DOK6: variants seen among roughly 807,000 people sequenced by gnomAD.
The protein encoded by DOK6 is docking protein 6, also known as downstream of tyrosine kinase 6.
DOK6 carries 22 observed loss-of-function variants against 44.0 expected under a neutral mutation model. The observed-to-expected ratio is 0.50, with a 90% confidence interval of 0.36 to 0.71. DOK6 has a LOEUF of 0.71. Ranked by LOEUF, DOK6 falls within the 30% of genes least tolerant of loss-of-function variation. The pLI is 0.00. For missense variants in DOK6, 340 were observed against 416.4 expected, an observed-to-expected ratio of 0.82 and a Z score of 1.60; for synonymous variants, 166 against 145.5, an observed-to-expected ratio of 1.14 and a Z score of -1.01.
intron 1 of DOK6, among the ~76,000 whole-genome samples, chr18:69,485,416 C>T (rs895994216): frequency 6.6e-6 from 1 of 151,998 alleles, no homozygotes; most frequent in Non-Finnish European, 1.5e-5. Flanking sequence ...GGTCCTTTAC[C>T]CCAGACCATC....
At chr18:69,535,802 A>G (rs978651866) in intron 1 of DOK6, among the ~76,000 whole-genome samples, 10 of 152,132 alleles carry the variant, frequency 6.6e-5, no homozygotes, top group Non-Finnish European at 1.0e-4. Flanking sequence ...AGAAAATAAA[A>G]AAATATCTAC....
rs555195167 is a variant in DOK6 at position 69,426,035 on chromosome 18, G to T, written c.66+24725G>T. On this transcript the variant is annotated intron_variant, in intron 1 of 7. Coordinates refer to ENST00000382713, the MANE Select transcript of DOK6 (RefSeq NM_152721.6). ...TGTAAGGGATCCATTCACCTGGATT[G>T]TTATTGGTTGATGAGAGATTATGAT... is the stretch of plus-strand genomic sequence containing the variant. Among the ~76,000 whole-genome samples, 44 of 152,200 alleles carry T rather than the reference G, an allele frequency of 2.9e-4. 1 individual carries two copies. Among genetic ancestry groups the T allele is most frequent in the Middle Eastern group, 6.8e-3 (2 of 294 alleles).
chr18:69,715,723 G>T (rs984619998), intron 5 of DOK6, among the ~76,000 whole-genome samples: 4 of 152,220 alleles, frequency 2.6e-5, no homozygotes, highest in Admixed American at 1.3e-4. Context: ...GAAAGAGATT[G>T]TATTAGAAAC....
intron 1 of DOK6, chr18:69,532,670 G>C (rs1982017231): frequency 6.6e-6 from 1 of 152,166 alleles, no homozygotes; most frequent in African/African-American, 2.4e-5. Flanking sequence ...AGACCAGCCT[G>C]GACAACATAG....
chr18:69,504,051 A>G (rs952431599), intron 1 of DOK6, among the ~76,000 whole-genome samples: 2 of 152,090 alleles, frequency 1.3e-5, no homozygotes, highest in African/African-American at 4.8e-5. Flanking sequence ...ATGGAAAATT[A>G]TAATACTGTA....
At chr18:69,611,983 G>A (rs1465603684) in intron 3 of DOK6, among the ~76,000 whole-genome samples, 1 of 151,190 alleles carries the variant, frequency 6.6e-6, no homozygotes, top group Non-Finnish European at 1.5e-5. Context: ...AGTAAAACTG[G>A]GGAAACCAGA....
At chr18:69,436,846 A>G (rs1037174403) in intron 1 of DOK6, among the ~76,000 whole-genome samples, 2 of 151,982 alleles carry the variant, frequency 1.3e-5, no homozygotes, top group African/African-American at 4.8e-5. Context: ...TTTAATTATC[A>G]CCATTGTAAC....
At chr18:69,725,560 T>A (rs1978302315) in intron 5 of DOK6, among the ~76,000 whole-genome samples, 1 of 152,232 alleles carries the variant, frequency 6.6e-6, no homozygotes, top group African/African-American at 2.4e-5. Context: ...CGATCTCGGC[T>A]CACTGCAGCC....
At chr18:69,666,166 T>C (rs1985652019) in intron 3 of DOK6, among the ~76,000 whole-genome samples, 1 of 152,206 alleles carries the variant, frequency 6.6e-6, no homozygotes, top group Non-Finnish European at 1.5e-5. Flanking sequence ...TTTTTCTTAA[T>C]ACCCTGCCAA....
At chr18:69,655,761 C>CAAAAAAAAAAAAA (rs74175379) in intron 3 of DOK6, among the ~76,000 whole-genome samples, 21 of 43,158 alleles carry the variant, frequency 4.9e-4, no homozygotes, top group African/African-American at 1.6e-3. Flanking sequence ...CCCCACCCCT[C>CAAAAAAAAAAAAA]AAAAAAAAAA....
At chr18:69,782,747 G>C (rs1980315140) in intron 7 of DOK6, among the ~76,000 whole-genome samples, 1 of 152,130 alleles carries the variant, frequency 6.6e-6, no homozygotes, top group Non-Finnish European at 1.5e-5. Context: ...CTGGGCAACA[G>C]AGCGAGACTC....
At chr18:69,527,648 A>G (rs1238379868) in intron 1 of DOK6, among the ~76,000 whole-genome samples, 2 of 152,180 alleles carry the variant, frequency 1.3e-5, no homozygotes, top group African/African-American at 4.8e-5. Context: ...CCCATTCTGC[A>G]TTCCATCTTA....
At chr18:69,640,358 T>C (rs999699251) in intron 3 of DOK6, among the ~76,000 whole-genome samples, 1 of 152,216 alleles carries the variant, frequency 6.6e-6, no homozygotes, top group African/African-American at 2.4e-5. Flanking sequence ...CTCATTCTTA[T>C]TTCATGAGAG....
rs555242644 is a variant in DOK6, at chr18:69,672,547, G to T, written c.290-5187G>T. On this transcript the variant is annotated intron_variant, in intron 3 of 7. Coordinates refer to ENST00000382713, the MANE Select transcript of DOK6 (RefSeq NM_152721.6). Reference sequence around the variant, plus strand: ...CTAATTTTGTATTTTTAGTAGATTCGGGGTTTCGCCATGTTGGCCGGGCTG... The same window carrying T: ...CTAATTTTGTATTTTTAGTAGATTCTGGGTTTCGCCATGTTGGCCGGGCTG... Among the ~76,000 whole-genome samples the T allele has an allele frequency of 5.9e-5, 9 of 152,092 alleles. No homozygotes were observed. The South Asian group carries it at 1.9e-3, about 32-fold the overall frequency.
chr18:69,624,171 T>C (rs56786498), intron 3 of DOK6, among the ~76,000 whole-genome samples: 106 of 152,268 alleles, frequency 7.0e-4, no homozygotes, highest in African/African-American at 2.3e-3. Flanking sequence ...CCTATAATTA[T>C]CTTCTTCTTT....
chr18:69,807,035 G>A (rs895262630), intron 7 of DOK6, among the ~76,000 whole-genome samples: 3 of 151,850 alleles, frequency 2.0e-5, no homozygotes, highest in African/African-American at 7.2e-5. Context: ...ACCACTATTT[G>A]TTACTCTCAA....
At chr18:69,495,106 C>T (rs1304285755) in intron 1 of DOK6, among the ~76,000 whole-genome samples, 1 of 152,254 alleles carries the variant, frequency 6.6e-6, no homozygotes, top group African/African-American at 2.4e-5. Flanking sequence ...CTGCTCTCTG[C>T]AAGGCTGTGG....
At chr18:69,758,846 A>G (rs1404154953) in intron 7 of DOK6, among the ~76,000 whole-genome samples, 1 of 152,186 alleles carries the variant, frequency 6.6e-6, no homozygotes, top group East Asian at 1.9e-4. Context: ...ACTATTAACA[A>G]TGCTGTAAGT....
At chr18:69,690,506 T>TTGAA (rs913896645) in intron 4 of DOK6, among the ~76,000 whole-genome samples, 68 of 152,204 alleles carry the variant, frequency 4.5e-4, no homozygotes, top group African/African-American at 1.6e-3. Flanking sequence ...GCTGCTAGAA[T>TTGAA]TGAAGAGTGA....
Sources: allele counts gnomAD v4.1 joint callset (sites outside exome capture counted in the v4.1 genomes callset), GRCh38; gene constraint gnomAD v4.1.1; transcripts MANE v1.5; gene names NCBI Gene and HGNC (gene_info 2026-07-23, HGNC 2026-07-21).